Variants in DCC observed in about 807,000 individuals in gnomAD.
DCC encodes the protein DCC netrin 1 receptor.
Under a neutral mutation model 172.5 loss-of-function variants are expected in DCC, and 58 were observed. That is an observed-to-expected ratio of 0.34 (90% CI 0.27 to 0.42). The LOEUF (loss-of-function observed/expected upper bound fraction) is 0.42, where lower values mean the gene tolerates loss of function less well. DCC is among the 10% of genes least tolerant of loss of function. The probability of loss-of-function intolerance (pLI) is 1.00; values close to 1 mark genes in which losing one functional copy is unlikely to be tolerated. For synonymous variants in DCC, 709 were observed against 644.5 expected (o/e 1.10, Z -1.52); for missense variants, 1,740 against 1,791.0 (o/e 0.97, Z 0.51).
chr18:52,879,335 T>C (rs138931700), intron 2 of DCC, among the ~76,000 whole-genome samples: 1 of 150,828 alleles, frequency 6.6e-6, no homozygotes, highest in Admixed American at 6.6e-5. Flanking sequence ...CACAAGTCAA[T>C]CATGCCAAAT....
intron 27 of DCC, among the ~76,000 whole-genome samples, chr18:53,504,052 G>C (rs374851443): frequency 1.3e-5 from 2 of 152,178 alleles, no homozygotes; most frequent in East Asian, 1.9e-4. Flanking sequence ...AGACAAGGAG[G>C]GGGTGGAGGT....
intron 5 of DCC, among the ~76,000 whole-genome samples, chr18:52,932,840 C>T (rs554381705): frequency 6.6e-6 from 1 of 152,112 alleles, no homozygotes; most frequent in South Asian, 2.1e-4. Context: ...CATGCACTTA[C>T]TCTCTATTTC....
intron 1 of DCC, among the ~76,000 whole-genome samples, chr18:52,623,281 G>A (rs2034514631): frequency 6.6e-6 from 1 of 152,108 alleles, no homozygotes; most frequent in Admixed American, 6.6e-5. Context: ...AAGAAACTCC[G>A]GACTAAGAAG....
chr18:52,783,323 CTTTTTTTTTTTTTTTTTTTTTTTTTT>C (rs374129823), intron 2 of DCC, among the ~76,000 whole-genome samples: 3 of 59,260 alleles, frequency 5.1e-5, no homozygotes, highest in South Asian at 1.4e-3. Flanking sequence ...TACTACTACT[CTTTTTTTTTTTTTTTTTTTTTTTTTT>C]TTTTTTTTTT....
At chr18:53,247,044 G>T (rs564904779) in intron 12 of DCC, among the ~76,000 whole-genome samples, 1 of 152,126 alleles carries the variant, frequency 6.6e-6, no homozygotes, top group East Asian at 1.9e-4. Flanking sequence ...GGAGCATCTG[G>T]GAAGACTCAG....
At chr18:53,283,002 A>G (rs1217400302) in intron 12 of DCC, among the ~76,000 whole-genome samples, 2 of 152,224 alleles carry the variant, frequency 1.3e-5, no homozygotes, top group Non-Finnish European at 2.9e-5. Context: ...ATATAGCTCA[A>G]TAATGAGCAA....
At chr18:53,032,691 G>T (rs866818887) in intron 5 of DCC, among the ~76,000 whole-genome samples, 2 of 152,090 alleles carry the variant, frequency 1.3e-5, no homozygotes, top group South Asian at 2.1e-4. Context: ...TAACCCCTTG[G>T]AGATGAAGAG....
At chr18:52,586,279 A>G (rs2033672024) in intron 1 of DCC, among the ~76,000 whole-genome samples, 1 of 152,138 alleles carries the variant, frequency 6.6e-6, no homozygotes, top group South Asian at 2.1e-4. Flanking sequence ...GATATTAAAA[A>G]TATCCTAGTT....
At chr18:52,803,086 C>T (rs1005696083) in intron 2 of DCC, among the ~76,000 whole-genome samples, 7 of 152,130 alleles carry the variant, frequency 4.6e-5, no homozygotes, top group Admixed American at 4.6e-4. Context: ...ATCTACAGTA[C>T]ATATCAAACA....
intron 5 of DCC, among the ~76,000 whole-genome samples, chr18:52,986,060 T>G (rs529908184): frequency 6.6e-6 from 1 of 152,300 alleles, no homozygotes; most frequent in Admixed American, 6.5e-5. Flanking sequence ...TTCATTCATA[T>G]GTATGAAATA....
chr18:52,845,625 A>C (rs117929956), intron 2 of DCC, among the ~76,000 whole-genome samples: 3,080 of 152,318 alleles, frequency 0.02, 45 homozygotes, highest in Middle Eastern at 0.065. Flanking sequence ...AGTTCAAGGT[A>C]CCATGTAAAA....
chr18:53,389,418 C>G (rs1908400157), intron 16 of DCC, among the ~76,000 whole-genome samples: 1 of 152,324 alleles, frequency 6.6e-6, no homozygotes, highest in East Asian at 1.9e-4. Flanking sequence ...CGATAACGCT[C>G]TGCTTTGCTG....
At chr18:52,570,748 T>C (rs1031186684) in intron 1 of DCC, among the ~76,000 whole-genome samples, 2 of 152,198 alleles carry the variant, frequency 1.3e-5, no homozygotes, top group Non-Finnish European at 2.9e-5. Context: ...TTTTAAAAGA[T>C]TTGGTAGACA....
At chr18:52,408,127 C>CA (rs1026312969) in intron 1 of DCC, among the ~76,000 whole-genome samples, 1 of 151,968 alleles carries the variant, frequency 6.6e-6, no homozygotes, top group Non-Finnish European at 1.5e-5. Flanking sequence ...ATGAAAAGTC[C>CA]AAAAACTTCT....
chr18:52,954,875 T>C (rs181250408), intron 5 of DCC, among the ~76,000 whole-genome samples: 1 of 152,298 alleles, frequency 6.6e-6, no homozygotes, highest in Non-Finnish European at 1.5e-5. Context: ...GTCTGTATGC[T>C]TTAAATATTT....
intron 2 of DCC, among the ~76,000 whole-genome samples, chr18:52,808,436 A>G (rs548227722): frequency 1.3e-5 from 2 of 152,246 alleles, no homozygotes; most frequent in South Asian, 2.1e-4. Flanking sequence ...CCCACCCACA[A>G]AAGTCTCAAT....
chr18:53,425,113 T>G (rs1910834811), intron 21 of DCC, among the ~76,000 whole-genome samples: 1 of 152,018 alleles, frequency 6.6e-6, no homozygotes, highest in South Asian at 2.1e-4. Context: ...GCCTTTTTTT[T>G]TTCTTTTTAA....
chr18:52,887,567 A>C (rs1203624605), intron 2 of DCC, among the ~76,000 whole-genome samples: 1 of 152,166 alleles, frequency 6.6e-6, no homozygotes, highest in Non-Finnish European at 1.5e-5. Flanking sequence ...TTCCCCTCTT[A>C]TTCATTAACG....
At chr18:52,467,267 A>C (rs577084118) in intron 1 of DCC, among the ~76,000 whole-genome samples, 77 of 151,116 alleles carry the variant, frequency 5.1e-4, no homozygotes, top group African/African-American at 1.5e-3. Context: ...TCATTGTTCA[A>C]CTCCCACTTA....
Sources: gnomAD v4.1 joint callset for allele counts (sites outside exome capture counted in the v4.1 genomes callset) on GRCh38, gnomAD v4.1.1 for gene constraint, MANE v1.5 for transcripts, NCBI Gene and HGNC (gene_info 2026-07-23, HGNC 2026-07-21) for gene names.